Variants in CATSPERE observed in about 807,000 individuals in gnomAD.
The protein encoded by CATSPERE is catsper channel auxiliary subunit epsilon.
Under a neutral mutation model 114.1 loss-of-function variants are expected in CATSPERE, and 93 were observed. The observed-to-expected ratio is 0.81, with a 90% CI of 0.69 to 0.97. The LOEUF (loss-of-function observed/expected upper bound fraction) is 0.97, where lower values mean the gene tolerates loss of function less well. Ranked by LOEUF, CATSPERE falls within the 50% of genes least tolerant of loss-of-function variation. The probability of loss-of-function intolerance (pLI) is 0.00; values close to 1 mark genes in which losing one functional copy is unlikely to be tolerated. For synonymous variants in CATSPERE, 341 were observed against 384.1 expected (o/e 0.89, Z 1.31); for missense variants, 1,058 against 1,131.6 (o/e 0.93, Z 0.93).
chr1:244,533,556 G>A (rs1679936530), intron 8 of CATSPERE, among the ~76,000 whole-genome samples: 1 of 151,990 alleles, frequency 6.6e-6, no homozygotes, highest in African/African-American at 2.4e-5. Context: ...CTACCATGAA[G>A]CTTGCAAATA....
intron 10 of CATSPERE, among the ~76,000 whole-genome samples, chr1:244,564,253 A>G (rs1480942891): frequency 6.6e-6 from 1 of 152,152 alleles, no homozygotes; most frequent in Non-Finnish European, 1.5e-5. Context: ...TTGGTTCCAT[A>G]TGAAATTTAA....
At chr1:244,480,454 C>T (rs941385782) in intron 5 of CATSPERE, among the ~76,000 whole-genome samples, 1 of 152,134 alleles carries the variant, frequency 6.6e-6, no homozygotes, top group Non-Finnish European at 1.5e-5. Flanking sequence ...ATCCACTTCA[C>T]GTTTATTCCC....
In CATSPERE at chr1:244,640,323, C is replaced by T; in HGVS notation, c.*242C>T. ...TTTAAAGATACTCTATGTACTCTCA[C>T]ATGGCATGAAAAAATAAACTAAATT... On this transcript the variant is annotated 3_prime_UTR_variant, in exon 22 of 22. Coordinates refer to ENST00000366534, the MANE Select transcript of CATSPERE (RefSeq NM_001130957.2). 3.7e-6 allele frequency: 1 copy of T among 272,922 alleles called. No homozygotes were observed. Among genetic ancestry groups the T allele is most frequent in the Non-Finnish European group, 6.8e-6 (1 of 146,528 alleles). 16.9% of individuals were successfully genotyped at this position (272,922 alleles called of 1,614,324 possible).
chr1:244,452,204 C>T (rs1665660943), upstream of CATSPERE: 2 of 164,074 alleles, frequency 1.2e-5, no homozygotes, highest in South Asian at 2.0e-4. Context: ...ACCCCGCCTA[C>T]CCGCTCTACC....
intron 8 of CATSPERE, among the ~76,000 whole-genome samples, chr1:244,542,227 G>T (rs1320436764): frequency 6.6e-6 from 1 of 151,888 alleles, no homozygotes; most frequent in Non-Finnish European, 1.5e-5. Context: ...CCCATACCAG[G>T]AGGCAAGTGT....
chr1:244,494,602 T>TAA (rs373526420), intron 6 of CATSPERE, among the ~76,000 whole-genome samples: 19 of 140,224 alleles, frequency 1.4e-4, no homozygotes, highest in Non-Finnish European at 3.0e-4. Context: ...TAAAGTATAA[T>TAA]AAAAAAAAAA....
intron 1 of CATSPERE, 88 bp from the exon 2 acceptor site, chr1:244,463,820 G>A (rs977545043): frequency 8.6e-7 from 1 of 1,167,944 alleles, no homozygotes; most frequent in Admixed American, 1.7e-5. Context: ...ACTCCTGGCA[G>A]CCCAGCTATG....
intron 7 of CATSPERE, among the ~76,000 whole-genome samples, chr1:244,511,092 C>T (rs1306906204): frequency 1.3e-5 from 2 of 152,114 alleles, no homozygotes; most frequent in Non-Finnish European, 2.9e-5. Flanking sequence ...ATCCACCCAC[C>T]TCAGCCTCCC....
At chr1:244,451,893 G>C (rs1035426984), upstream of CATSPERE, 2 of 1,373,698 alleles carry the variant, frequency 1.5e-6, no homozygotes, top group Non-Finnish European at 1.9e-6. This position sits in a 1 kb window ranked among gnomAD's most constrained non-coding sequence, Gnocchi z 6.6. Flanking sequence ...CTCTGCGGCC[G>C]CCAGCCACAT....
At chr1:244,530,649 T>C (rs1442807559) in intron 8 of CATSPERE, among the ~76,000 whole-genome samples, 2 of 152,240 alleles carry the variant, frequency 1.3e-5, no homozygotes, top group Non-Finnish European at 1.5e-5. Context: ...TTCCAATCCA[T>C]GAACATGGAA....
Position 244,559,163 on chromosome 1 carries a change from G to A in CATSPERE, c.1030-1505G>A, listed in dbSNP as rs116084707. Among the ~76,000 whole-genome samples the A allele has an allele frequency of 6.8e-3, 1,043 of 152,274 alleles. 5 individuals carry two copies. The highest frequency in any genetic ancestry group is 0.031 in the Middle Eastern group (9 of 294). ...AATTCTTATCTATCGTGTTTATGAC[G>A]TGTTCCTCTTCCCATCTCTCTGACA... On this transcript the variant is annotated intron_variant, in intron 9 of 21. Transcript: ENST00000366534.
chr1:244,511,809 C>T (rs1015983116), intron 7 of CATSPERE, among the ~76,000 whole-genome samples: 4 of 152,136 alleles, frequency 2.6e-5, no homozygotes, highest in African/African-American at 9.7e-5. Flanking sequence ...TGAAGGATAG[C>T]TTTGCTAGGT....
At chr1:244,494,000 G>C (rs1371410236) in intron 6 of CATSPERE, among the ~76,000 whole-genome samples, 1 of 152,184 alleles carries the variant, frequency 6.6e-6, no homozygotes, top group Non-Finnish European at 1.5e-5. Flanking sequence ...TTACACTGTT[G>C]ATGGGACTGT....
chr1:244,499,261 CAAT>C lies in CATSPERE; in HGVS notation c.429+188_429+190del, dbSNP rs931691727. Among the ~76,000 whole-genome samples, 61 of 152,172 alleles carry C rather than the reference CAAT, an allele frequency of 4.0e-4. 1 individual carries two copies. The highest frequency in any genetic ancestry group is 2.1e-4 in the South Asian group (1 of 4,828). On this transcript the variant is annotated intron_variant, in intron 7 of 21. Transcript: ENST00000366534. ...GTTTTGAACTTATGCTTAATCTCTA[CAAT>C]AATAAACCTTTCTTTAGAACTCTAA...
At chr1:244,490,191 G>T (rs1278730153) in intron 5 of CATSPERE, among the ~76,000 whole-genome samples, 1 of 152,076 alleles carries the variant, frequency 6.6e-6, no homozygotes, top group Non-Finnish European at 1.5e-5. Context: ...CGGTTTTGGT[G>T]ATGTTATTGA....
At chr1:244,592,525 G>C (rs1275081330) in intron 15 of CATSPERE, among the ~76,000 whole-genome samples, 1 of 151,910 alleles carries the variant, frequency 6.6e-6, no homozygotes, top group African/African-American at 2.4e-5. Flanking sequence ...ATTCTAATTA[G>C]AAATTATTAT....
chr1:244,465,739 G>T (rs1366785542), intron 2 of CATSPERE, among the ~76,000 whole-genome samples: 1 of 152,174 alleles, frequency 6.6e-6, no homozygotes, highest in Non-Finnish European at 1.5e-5. Flanking sequence ...GAATAAGGCT[G>T]TTAGTTTTCA....
intron 20 of CATSPERE, among the ~76,000 whole-genome samples, chr1:244,621,204 TA>T (rs368080070): frequency 0.079 from 380 of 4,808 alleles, 30 homozygotes; most frequent in African/African-American, 0.12. Context: ...TTTATATAGA[TA>T]TATTTATATA....
chr1:244,636,697 G>A (rs1003979782), intron 21 of CATSPERE: 1 of 152,842 alleles, frequency 6.5e-6, no homozygotes, highest in African/African-American at 2.4e-5. Context: ...CCTGCCAGCA[G>A]CTAGAGTCCA....
Sources: allele counts gnomAD v4.1 joint callset (sites outside exome capture counted in the v4.1 genomes callset), GRCh38; gene constraint gnomAD v4.1.1; non-coding constraint Gnocchi (gnomAD v3.1); transcripts MANE v1.5; gene names NCBI Gene and HGNC (gene_info 2026-07-23, HGNC 2026-07-21).